LDLRAD4: variants seen among roughly 807,000 people sequenced by gnomAD.
LDLRAD4 encodes low density lipoprotein receptor class A domain containing 4.
A neutral mutation model predicts 17.0 loss-of-function variants in LDLRAD4; 5 were observed. That is an observed-to-expected ratio of 0.29 (90% CI 0.15 to 0.62). The LOEUF is 0.62. Ranked by LOEUF, LDLRAD4 falls within the 20% of genes least tolerant of loss-of-function variation. The probability of loss-of-function intolerance (pLI) is 0.84; values close to 1 mark genes in which losing one functional copy is unlikely to be tolerated. For missense variants in LDLRAD4, 340 were observed against 424.7 expected, an observed-to-expected ratio of 0.80 and a Z score of 1.75; for synonymous variants, 168 against 171.8, an observed-to-expected ratio of 0.98 and a Z score of 0.17.
chr18:13,218,813 C>G (rs537864245), exon 1 of LDLRAD4: 1 of 152,576 alleles, frequency 6.6e-6, no homozygotes, highest in Non-Finnish European at 1.5e-5. Flanking sequence ...CCGGAGGAAG[C>G]AGGCGTGTGT....
intron 1 of LDLRAD4, among the ~76,000 whole-genome samples, chr18:13,264,934 T>G (rs1004122554): frequency 6.6e-6 from 1 of 152,244 alleles, no homozygotes; most frequent in Non-Finnish European, 1.5e-5. Flanking sequence ...GAGGAAGACG[T>G]TGGCAAATTG....
chr18:13,264,515 C>T (rs909997939), intron 1 of LDLRAD4, among the ~76,000 whole-genome samples: 1 of 152,264 alleles, frequency 6.6e-6, no homozygotes, highest in African/African-American at 2.4e-5. Flanking sequence ...GAGTTGACTT[C>T]TCTGTGTAGA....
chr18:13,650,311 A>G (rs1188399972), exon 6 of LDLRAD4: 3 of 403,104 alleles, frequency 7.4e-6, no homozygotes, highest in South Asian at 1.2e-4. Context: ...GTCTGAGTGT[A>G]GGAATGTCTT....
intron 1 of LDLRAD4, among the ~76,000 whole-genome samples, chr18:13,235,350 T>C (rs2042284766): frequency 6.6e-6 from 1 of 152,262 alleles, no homozygotes; most frequent in African/African-American, 2.4e-5. Flanking sequence ...ACCTTGATTC[T>C]CCTAAGCTGT....
At chr18:13,511,670 G>T (rs1340041664) in intron 3 of LDLRAD4, among the ~76,000 whole-genome samples, 1 of 152,184 alleles carries the variant, frequency 6.6e-6, no homozygotes, top group African/African-American at 2.4e-5. Context: ...TTGAATGGAC[G>T]GGGATGAGAA....
intron 1 of LDLRAD4, among the ~76,000 whole-genome samples, chr18:13,228,815 G>T (rs907208741): frequency 2.6e-5 from 4 of 152,128 alleles, no homozygotes; most frequent in African/African-American, 9.7e-5. Context: ...TTTTTCATCT[G>T]AAGAGTAATG....
Position 13,645,898 on chromosome 18 carries a change from G to A in LDLRAD4, c.*241G>A, listed in dbSNP as rs1448800020. 2 of 374,992 alleles carry A rather than the reference G, an allele frequency of 5.3e-6. No homozygotes were observed. The highest frequency in any genetic ancestry group is 9.4e-6 in the Non-Finnish European group (2 of 212,348). The allele number at this position is 374,992 out of a possible 1,614,324, so 23.2% of individuals were successfully genotyped here. ...TTTATTTGGGGACAGGGGTTGGGAT[G>A]GGGGTGTGGGCAGGGGAAAACAGAG... is the stretch of plus-strand genomic sequence containing the variant. On this transcript the variant is annotated 3_prime_UTR_variant, in exon 6 of 6. Coordinates refer to ENST00000359446, the Ensembl canonical transcript of LDLRAD4. The surrounding 1 kb of genome is among the most constrained non-coding windows in gnomAD (Gnocchi z 5.7).
chr18:13,652,055 T>G (rs1228036546), exon 6 of LDLRAD4: 1 of 152,228 alleles, frequency 6.6e-6, no homozygotes, highest in African/African-American at 2.4e-5. Flanking sequence ...CATCGTATAC[T>G]GTAGGGTGCA....
exon 6 of LDLRAD4, chr18:13,646,721 T>C (rs2043029467): frequency 6.6e-6 from 1 of 152,642 alleles, no homozygotes; most frequent in Non-Finnish European, 1.5e-5. Context: ...TGCAATAAAT[T>C]GTTTAAAATG....
intron 3 of LDLRAD4, among the ~76,000 whole-genome samples, chr18:13,445,327 A>G (rs533337543): frequency 2.5e-4 from 38 of 152,108 alleles, no homozygotes; most frequent in African/African-American, 8.9e-4. Flanking sequence ...ATGTGTGAGA[A>G]TGTGTAGTTG....
At chr18:13,589,986 CGT>C (rs1188184905) in intron 3 of LDLRAD4, among the ~76,000 whole-genome samples, 1 of 150,914 alleles carries the variant, frequency 6.6e-6, no homozygotes, top group Admixed American at 6.6e-5. Context: ...TGTGTGGCTG[CGT>C]GTGTGGGGGT....
intron 1 of LDLRAD4, among the ~76,000 whole-genome samples, chr18:13,342,224 G>C (rs79651815): frequency 2.6e-5 from 4 of 151,952 alleles, no homozygotes; most frequent in Admixed American, 2.6e-4. Flanking sequence ...GTATAGTTTC[G>C]GTATCAGGGT....
intron 1 of LDLRAD4, among the ~76,000 whole-genome samples, chr18:13,234,580 C>T (rs1452898528): frequency 1.3e-5 from 2 of 152,210 alleles, no homozygotes; most frequent in African/African-American, 4.8e-5. Context: ...CTTCTGCCAA[C>T]TTCTGGGTGG....
At position 13,238,997 on chromosome 18, in the gene LDLRAD4, C is replaced by T. The variant is rs561394952; in HGVS notation, c.-467+20009C>T. On this transcript the variant is annotated intron_variant, in intron 1 of 5. Coordinates refer to the LDLRAD4 transcript ENST00000399848. ...GGTCAGGAGTTCGAGACCAGCCTGG[C>T]CAACATGGTGAAACCCTGTCTCTAC... is the stretch of plus-strand genomic sequence containing the variant. Among the ~76,000 whole-genome samples the T allele has an allele frequency of 3.3e-5, 5 of 152,036 alleles. No homozygotes were observed. The South Asian group carries it at 1.0e-3, about 32-fold the overall frequency.
chr18:13,295,428 A>G (rs1175987022), intron 1 of LDLRAD4, among the ~76,000 whole-genome samples: 1 of 152,188 alleles, frequency 6.6e-6, no homozygotes, highest in African/African-American at 2.4e-5. Context: ...CTGTGTGTGG[A>G]AGCCTGGCGT....
intron 2 of LDLRAD4, among the ~76,000 whole-genome samples, chr18:13,405,989 C>T (rs78192788): frequency 0.031 from 4,735 of 152,298 alleles, 114 homozygotes; most frequent in Middle Eastern, 0.068. Context: ...AAAGGTTCCA[C>T]GGTGATTCTT....
intron 3 of LDLRAD4, among the ~76,000 whole-genome samples, chr18:13,448,660 G>A (rs2091587481): frequency 6.6e-6 from 1 of 151,872 alleles, no homozygotes; most frequent in Non-Finnish European, 1.5e-5. Flanking sequence ...GGAGGCTGGG[G>A]GACCACCGAT....
chr18:13,337,178 T>C (rs2082143447), intron 1 of LDLRAD4, among the ~76,000 whole-genome samples: 1 of 152,200 alleles, frequency 6.6e-6, no homozygotes, highest in African/African-American at 2.4e-5. Flanking sequence ...TGCCTCTGAT[T>C]CTTCGAAATG....
intron 3 of LDLRAD4, among the ~76,000 whole-genome samples, chr18:13,485,463 C>T (rs377724878): frequency 6.6e-6 from 1 of 152,226 alleles, no homozygotes; most frequent in Admixed American, 6.5e-5. Flanking sequence ...TCCATGTCTG[C>T]AGGCCAGGGA....
Sources: gnomAD v4.1 joint callset for allele counts (sites outside exome capture counted in the v4.1 genomes callset) on GRCh38, gnomAD v4.1.1 for gene constraint, Gnocchi (gnomAD v3.1) non-coding constraint, MANE v1.5 for transcripts, NCBI Gene and HGNC (gene_info 2026-07-23, HGNC 2026-07-21) for gene names.